Variants in CIT observed in about 807,000 individuals in gnomAD.
The protein encoded by CIT is citron rho-interacting serine/threonine kinase.
A neutral mutation model predicts 272.7 loss-of-function variants in CIT; 79 were observed. The ratio of observed to expected loss-of-function variants is 0.29; its 90% CI spans 0.24 to 0.35. The LOEUF (loss-of-function observed/expected upper bound fraction) is 0.35. CIT is among the 10% of genes least tolerant of loss of function. The pLI is 1.00. For synonymous variants in CIT, 948 were observed against 995.6 expected, an observed-to-expected ratio of 0.95 and a Z score of 0.90; for missense variants, 1,909 against 2,618.3, an observed-to-expected ratio of 0.73 and a Z score of 5.91.
At chr12:119,818,822 T>C (rs1967435185) in intron 9 of CIT, among the ~76,000 whole-genome samples, 1 of 152,228 alleles carries the variant, frequency 6.6e-6, no homozygotes, top group South Asian at 2.1e-4. Flanking sequence ...GATATGGCAG[T>C]CTTGCATAAA....
Position 119,710,042 on chromosome 12 carries a change from G to C in CIT, c.5071+209C>G, listed in dbSNP as rs1054709867. Among the ~76,000 whole-genome samples, 2 of 152,122 alleles carry C rather than the reference G, an allele frequency of 1.3e-5. No individual in the cohort carries two copies. Among genetic ancestry groups the C allele is most frequent in the African/African-American group, 4.8e-5 (2 of 41,438 alleles). The stretch of plus-strand genomic sequence containing the variant: ...TAACAGTGGGATGTTCTTTGGGAAT[G>C]TCAGACTGTGCTAAACTGGATACTG... On this transcript the variant is annotated intron_variant, in intron 39 of 47. Transcript: ENST00000392521. This position sits in a 1 kb window ranked among gnomAD's most constrained non-coding sequence, Gnocchi z 5.6.
intron 5 of CIT, among the ~76,000 whole-genome samples, chr12:119,847,105 C>T (rs1342070589): frequency 6.6e-6 from 1 of 152,090 alleles, no homozygotes; most frequent in Non-Finnish European, 1.5e-5. Flanking sequence ...CTCCCTCAGC[C>T]TCCCGAGTAG....
At chr12:119,825,697 A>C (rs1047576626) in intron 7 of CIT, among the ~76,000 whole-genome samples, 11 of 152,222 alleles carry the variant, frequency 7.2e-5, no homozygotes, top group Admixed American at 1.3e-4. Context: ...GACATGATGG[A>C]ACTTCTCTTA....
chr12:119,759,125 C>T (rs1243041121), intron 20 of CIT, among the ~76,000 whole-genome samples: 1 of 152,214 alleles, frequency 6.6e-6, no homozygotes, highest in Non-Finnish European at 1.5e-5. Context: ...TTGCTCTAGA[C>T]TCCACAGCAG....
chr12:119,819,750 T>C (rs557700600), intron 9 of CIT, among the ~76,000 whole-genome samples: 14 of 152,362 alleles, frequency 9.2e-5, no homozygotes, highest in Middle Eastern at 3.4e-3. Flanking sequence ...TGAAAATCAC[T>C]CAACATGTGT....
chr12:119,735,433 T>C, intron 24 of CIT, 76 bp from the exon 25 acceptor site: 1 of 1,453,510 alleles, frequency 6.9e-7, no homozygotes, highest in Non-Finnish European at 9.6e-7. Flanking sequence ...GGGCTATGGA[T>C]TTCTGAACCC....
In CIT at chr12:119,788,408, G is replaced by C. The variant is rs116583501; in HGVS notation, c.1296-3343C>G. 6.0e-3 allele frequency among the ~76,000 whole-genome samples: 918 copies of C among 152,184 alleles called. 9 individuals are homozygous for C. The highest frequency in any genetic ancestry group is 0.021 in the African/African-American group (882 of 41,526). ...TGGTGATCCACAGACTGGGTCCCTG[G>C]TCCTTCAGAGATCAAAAGTCACCCA... On this transcript the variant is annotated intron_variant, in intron 10 of 47. Coordinates refer to ENST00000392521, the MANE Select transcript of CIT (RefSeq NM_001206999.2).
chr12:119,832,879 G>T lies in CIT; in HGVS notation c.660-15C>A, dbSNP rs528647641. On this transcript the variant is annotated splice_polypyrimidine_tract_variant and intron_variant, in intron 6 of 47. Coordinates refer to ENST00000392521, the MANE Select transcript of CIT (RefSeq NM_001206999.2). Reference sequence around the variant, plus strand: ...GCTTGATGTCTCTGTAAGAAAATCAGGACCATGAATTGCCTCCTCCATCCC... The same window carrying T: ...GCTTGATGTCTCTGTAAGAAAATCATGACCATGAATTGCCTCCTCCATCCC... The T allele has an allele frequency of 6.9e-6, 11 of 1,600,294 alleles. No homozygotes were observed. In the Admixed American group the frequency reaches 1.5e-4, roughly 22 times the overall value.
chr12:119,709,781 AGAGAGAGTGTGTGTGTGTGT>A (rs1212223965), intron 39 of CIT, among the ~76,000 whole-genome samples: 2 of 58,234 alleles, frequency 3.4e-5, no homozygotes, highest in African/African-American at 1.2e-4. Context: ...AGAGAGAGAG[AGAGAGAGTGTGTGTGTGTGT>A]GTGTGTGTGT....
chr12:119,705,726 CACACCA>C (rs1956833952), intron 40 of CIT, among the ~76,000 whole-genome samples: 1 of 125,116 alleles, frequency 8.0e-6, no homozygotes. Context: ...GAGCCAAGAT[CACACCA>C]CTGCATTCCA....
At chr12:119,873,598 G>A (rs1452788978) in intron 2 of CIT, among the ~76,000 whole-genome samples, 1 of 152,098 alleles carries the variant, frequency 6.6e-6, no homozygotes, top group Non-Finnish European at 1.5e-5. Context: ...ATATTTTAAA[G>A]TAGCATGATA....
At chr12:119,709,762 AAG>A (rs764752861) in intron 39 of CIT, among the ~76,000 whole-genome samples, 27 of 120,598 alleles carry the variant, frequency 2.2e-4, no homozygotes, top group South Asian at 1.3e-3. Flanking sequence ...TGGTTCAGGA[AAG>A]AGAGAGAGAG....
At chr12:119,800,170 C>T (rs570375433) in intron 10 of CIT, among the ~76,000 whole-genome samples, 1 of 152,260 alleles carries the variant, frequency 6.6e-6, no homozygotes, top group Admixed American at 6.5e-5. Context: ...CTGAGAGGAA[C>T]AGCCAGGCAT....
Position 119,805,951 on chromosome 12 carries a change from A to G in CIT, c.1112-2562T>C, listed in dbSNP as rs562337319. On this transcript the variant is annotated intron_variant, in intron 9 of 47. Coordinates refer to ENST00000392521, the MANE Select transcript of CIT (RefSeq NM_001206999.2). ...GGAGTTCAAGGCCAGCCTGGCCAACATGGTAAAACCCCATCTCTATTAAAA... is the reference window on the plus strand; with the variant it reads ...GGAGTTCAAGGCCAGCCTGGCCAACGTGGTAAAACCCCATCTCTATTAAAA... Among the ~76,000 whole-genome samples, 3 of 152,234 alleles carry G rather than the reference A, an allele frequency of 2.0e-5. No homozygotes were observed. The South Asian group carries it at 6.2e-4, about 32-fold the overall frequency.
chr12:119,739,456 C>A (rs1273889070), intron 24 of CIT, among the ~76,000 whole-genome samples: 1 of 152,062 alleles, frequency 6.6e-6, no homozygotes, highest in East Asian at 1.9e-4. Flanking sequence ...CATTTCCTAG[C>A]GGAGACAATC....
At chr12:119,781,427 G>A (rs1228563158) in intron 13 of CIT, among the ~76,000 whole-genome samples, 1 of 152,208 alleles carries the variant, frequency 6.6e-6, no homozygotes, top group Non-Finnish European at 1.5e-5. Flanking sequence ...GCTCCAGCCA[G>A]ATGGCTAAGT....
chr12:119,807,816 A>T (rs1393906161), intron 9 of CIT, among the ~76,000 whole-genome samples: 1 of 152,034 alleles, frequency 6.6e-6, no homozygotes, highest in Non-Finnish European at 1.5e-5. Flanking sequence ...CCCAGCTGCC[A>T]CATACCCACC....
chr12:119,829,402 A>AAGAGC lies in CIT; in HGVS notation c.753+3364_753+3368dup, dbSNP rs1555260356. Among the ~76,000 whole-genome samples the AAGAGC allele has an allele frequency of 1.6e-3, 242 of 150,294 alleles. 2 individuals are homozygous for AAGAGC. Among genetic ancestry groups the AAGAGC allele is most frequent in the African/African-American group, 4.5e-3 (183 of 40,944 alleles). ...AAGAGAAGAGAAGAGAAGAGAAGAG[A>AAGAGC]AGAGCTTACAAATAAAACTATTTAA... On this transcript the variant is annotated intron_variant, in intron 7 of 47. Coordinates refer to ENST00000392521, the MANE Select transcript of CIT (RefSeq NM_001206999.2).
At chr12:119,699,941 T>C (rs1956459023) in intron 44 of CIT, 1 of 455,724 alleles carries the variant, frequency 2.2e-6, no homozygotes, top group Non-Finnish European at 4.4e-6. Flanking sequence ...GTTTAGTCTT[T>C]GATCCAACAG....
Sources: allele counts gnomAD v4.1 joint callset (sites outside exome capture counted in the v4.1 genomes callset), GRCh38; gene constraint gnomAD v4.1.1; non-coding constraint Gnocchi (gnomAD v3.1); transcripts MANE v1.5; gene names NCBI Gene and HGNC (gene_info 2026-07-23, HGNC 2026-07-21).